TRIO: variants seen among roughly 807,000 people sequenced by gnomAD.
The protein encoded by TRIO is trio Rho guanine nucleotide exchange factor.
Under a neutral mutation model 351.9 loss-of-function variants are expected in TRIO, and 58 were observed. The observed-to-expected ratio is 0.16, with a 90% CI of 0.13 to 0.21. The LOEUF (loss-of-function observed/expected upper bound fraction) is 0.21. TRIO is among the 10% of genes least tolerant of loss of function. The pLI is 1.00. For synonymous variants in TRIO, 1,758 were observed against 1,595.7 expected (o/e 1.10, Z -2.42); for missense variants, 3,201 against 4,027.8 (o/e 0.79, Z 5.56).
intron 7 of TRIO, among the ~76,000 whole-genome samples, chr5:14,304,211 AG>A (rs1738167638): frequency 1.3e-5 from 2 of 152,182 alleles, no homozygotes; most frequent in South Asian, 4.1e-4. Context: ...AGACCTGGGC[AG>A]CAGTCAGTTG....
At chr5:14,485,368 C>T (rs1755841689) in intron 47 of TRIO, 122 bp downstream of exon 47, 1 of 1,027,572 alleles carries the variant, frequency 9.7e-7, no homozygotes, top group South Asian at 2.6e-5. Flanking sequence ...ACTCTTCAGG[C>T]ACTGCCTAGA....
intron 31 of TRIO, among the ~76,000 whole-genome samples, chr5:14,402,791 T>G (rs1748197532): frequency 6.6e-6 from 1 of 151,796 alleles, no homozygotes; most frequent in Non-Finnish European, 1.5e-5. Flanking sequence ...GTGGTGAGGT[T>G]GTAGATGGAG....
chr5:14,267,479 C>A lies in TRIO; in HGVS notation c.158-3346C>A, dbSNP rs187420163. 3.2e-4 allele frequency among the ~76,000 whole-genome samples: 49 copies of A among 152,180 alleles called. No homozygotes were observed. In the East Asian group the frequency reaches 8.9e-3, roughly 28 times the overall value. On this transcript the variant is annotated intron_variant, in intron 1 of 56. Coordinates refer to ENST00000344204, the MANE Select transcript of TRIO (RefSeq NM_007118.4). ...GTAAGTTTGAGAACCACAGTTAGAT[C>A]CTTTAATGCATGAATGAAGAAAGTA...
intron 41 of TRIO, among the ~76,000 whole-genome samples, chr5:14,478,369 G>A (rs1002266088): frequency 6.6e-6 from 1 of 152,296 alleles, no homozygotes; most frequent in Admixed American, 6.5e-5. Flanking sequence ...CATTGGTTTT[G>A]CACATCAGCA....
chr5:14,176,165 C>T (rs569606187), intron 1 of TRIO, among the ~76,000 whole-genome samples: 1 of 152,168 alleles, frequency 6.6e-6, no homozygotes, highest in East Asian at 1.9e-4. Flanking sequence ...AAATTCAGTT[C>T]ATTCTTTCTT....
intron 1 of TRIO, among the ~76,000 whole-genome samples, chr5:14,169,011 A>G (rs903037740): frequency 6.6e-6 from 1 of 152,122 alleles, no homozygotes; most frequent in Non-Finnish European, 1.5e-5. Flanking sequence ...TGGAGCCTCT[A>G]CTTAGGGGAT....
At chr5:14,279,841 G>C (rs1019926275) in intron 2 of TRIO, among the ~76,000 whole-genome samples, 1 of 152,232 alleles carries the variant, frequency 6.6e-6, no homozygotes, top group African/African-American at 2.4e-5. Flanking sequence ...AGATTATAAA[G>C]TCATCAGCAT....
chr5:14,349,086 T>G (rs1742760653), intron 11 of TRIO, among the ~76,000 whole-genome samples: 1 of 148,504 alleles, frequency 6.7e-6, no homozygotes, highest in Non-Finnish European at 1.5e-5. Context: ...CACATGAGCA[T>G]GTGTGTTTTT....
intron 47 of TRIO, among the ~76,000 whole-genome samples, chr5:14,485,943 G>A (rs1755884398): frequency 6.6e-6 from 1 of 151,710 alleles, no homozygotes; most frequent in Admixed American, 6.6e-5. Flanking sequence ...AGCTGAGATC[G>A]CACCATTGCA....
chr5:14,419,770 C>T lies in TRIO; in HGVS notation c.4960-8C>T, dbSNP rs1465077605. 7.4e-6 allele frequency: 12 copies of T among 1,613,426 alleles called. No homozygotes were observed. The highest frequency in any genetic ancestry group is 1.1e-5 in the South Asian group (1 of 90,966). ...CTGACCTGTCCTCTCTTCCTCTGTT[C>T]CCCCCAGCTCTCTGGTGGCTGTGAG... On this transcript the variant is annotated splice_region_variant and splice_polypyrimidine_tract_variant and intron_variant, in intron 33 of 56. Coordinates refer to ENST00000344204, the MANE Select transcript of TRIO (RefSeq NM_007118.4).
intron 34 of TRIO, among the ~76,000 whole-genome samples, chr5:14,442,792 T>G (rs1427031499): frequency 6.6e-6 from 1 of 152,186 alleles, no homozygotes; most frequent in Non-Finnish European, 1.5e-5. Flanking sequence ...GAACAACTGG[T>G]CACATGAAAA....
At chr5:14,467,429 G>A (rs929036812) in intron 37 of TRIO, among the ~76,000 whole-genome samples, 9 of 152,150 alleles carry the variant, frequency 5.9e-5, no homozygotes, top group Admixed American at 1.3e-4. Context: ...CCAGGTAATC[G>A]TGTGGTGTTC....
intron 1 of TRIO, among the ~76,000 whole-genome samples, chr5:14,150,707 A>C (rs1787778839): frequency 6.6e-6 from 1 of 152,252 alleles, no homozygotes; most frequent in Admixed American, 6.5e-5. Context: ...AGCTCATATA[A>C]GTAATTATTC....
intron 54 of TRIO, 75 bp from the exon 55 acceptor site, chr5:14,504,318 T>G: frequency 5.3e-6 from 8 of 1,519,952 alleles, no homozygotes; most frequent in Non-Finnish European, 5.4e-6. Context: ...AGCCAGTCCA[T>G]TTAGGATAAC....
intron 34 of TRIO, among the ~76,000 whole-genome samples, chr5:14,426,509 C>T (rs1435374575): frequency 4.6e-5 from 7 of 152,164 alleles, no homozygotes; most frequent in African/African-American, 1.2e-4. Context: ...CTCCAAGGAA[C>T]GCTGAAGACC....
intron 1 of TRIO, among the ~76,000 whole-genome samples, chr5:14,182,616 G>A (rs1264278050): frequency 6.6e-6 from 1 of 152,110 alleles, no homozygotes; most frequent in Non-Finnish European, 1.5e-5. Context: ...GTAGGAGCTT[G>A]GTCTGTAAGA....
intron 37 of TRIO, chr5:14,466,034 A>G (rs930655890): frequency 8.4e-6 from 2 of 238,836 alleles, no homozygotes; most frequent in African/African-American, 4.4e-5. Context: ...TCAGACGCAT[A>G]TGGCTGACTG....
intron 21 of TRIO, among the ~76,000 whole-genome samples, chr5:14,382,744 C>CGT (rs1191536608): frequency 4.0e-5 from 6 of 150,788 alleles, no homozygotes; most frequent in Non-Finnish European, 5.9e-5. Context: ...TATTTAGGGG[C>CGT]GTGTGTGTGT....
chr5:14,461,705 G>A (rs1217698544), intron 35 of TRIO, among the ~76,000 whole-genome samples: 1 of 152,222 alleles, frequency 6.6e-6, no homozygotes, highest in Non-Finnish European at 1.5e-5. Context: ...GGCAGTCTCT[G>A]AGCTGATCAT....
Sources: gnomAD v4.1 joint callset for allele counts (sites outside exome capture counted in the v4.1 genomes callset) on GRCh38, gnomAD v4.1.1 for gene constraint, MANE v1.5 for transcripts, NCBI Gene and HGNC (gene_info 2026-07-23, HGNC 2026-07-21) for gene names.